The following USP34 variants were observed in gnomAD, a reference collection of about 807,000 sequenced individuals.
The protein encoded by USP34 is ubiquitin specific peptidase 34.
Under a neutral mutation model 460.3 loss-of-function variants are expected in USP34, and 70 were observed. The ratio of observed to expected loss-of-function variants is 0.15; its 90% CI spans 0.13 to 0.19. USP34 has a LOEUF of 0.19. Among genes scored for constraint, USP34 ranks in the 10% least tolerant of loss-of-function variants. The probability of loss-of-function intolerance (pLI) is 1.00; values close to 1 mark genes in which losing one functional copy is unlikely to be tolerated. For synonymous variants in USP34, 1,647 were observed against 1,405.3 expected (o/e 1.17, Z -3.85); for missense variants, 3,985 against 4,236.2 (o/e 0.94, Z 1.65).
chr2:61,222,520 C>A, intron 65 of USP34, 99 bp downstream of exon 65: 5 of 892,288 alleles, frequency 5.6e-6, no homozygotes, highest in South Asian at 1.6e-5. Context: ...ATGGGAGAAA[C>A]CCTGATAAAT....
At chr2:61,341,060 G>A (rs1484677536) in intron 16 of USP34, among the ~76,000 whole-genome samples, 2 of 152,058 alleles carry the variant, frequency 1.3e-5, no homozygotes, top group African/African-American at 4.8e-5. Flanking sequence ...ACTTTTGACT[G>A]TTCTAGAACT....
chr2:61,269,822 A>G (rs2103929304), intron 41 of USP34, among the ~76,000 whole-genome samples: 1 of 152,176 alleles, frequency 6.6e-6, no homozygotes, highest in Non-Finnish European at 1.5e-5. Context: ...AATGGAATAT[A>G]TTATATTTTG....
chr2:61,348,992 C>A, intron 13 of USP34, 106 bp from the exon 14 acceptor site: 1 of 1,278,940 alleles, frequency 7.8e-7, no homozygotes. Flanking sequence ...AAGCTTTATG[C>A]TAAGTAGCCA....
Position 61,362,867 on chromosome 2 carries a change from ATT to A in USP34, c.1251+7452_1251+7453del, listed in dbSNP as rs1452486538. Among the ~76,000 whole-genome samples, 7 of 152,322 alleles carry A rather than the reference ATT, an allele frequency of 4.6e-5. No homozygotes were observed. In the South Asian group the frequency reaches 1.2e-3, roughly 27 times the overall value. On this transcript the variant is annotated intron_variant, in intron 10 of 79. Transcript: ENST00000398571. ...TCAAGTTGTACACCTTAAATACATA[ATT>A]TTTATATTTGTATAGTATTTCTCAG...
At chr2:61,206,932 T>C (rs1195081549) in intron 70 of USP34, 46 bp from the exon 71 acceptor site, 1 of 1,592,294 alleles carries the variant, frequency 6.3e-7, no homozygotes, top group Non-Finnish European at 8.6e-7. Flanking sequence ...CATTTTTGCT[T>C]ACTGAGCCAC....
intron 21 of USP34, 114 bp downstream of exon 21, chr2:61,325,260 TA>T: frequency 3.1e-6 from 2 of 651,676 alleles, no homozygotes; most frequent in South Asian, 2.5e-5. Context: ...CCACTGACTC[TA>T]AAATTAAATT....
Position 61,190,652 on chromosome 2 carries a change from TAGC to T in USP34, c.9592_9594del (p.Ala3198del), listed in dbSNP as rs1558456990. Reference sequence around the variant, plus strand: ...AAAAGCTTGATGCAGTTTTTTGACATAGCAGACTAAAGTGGGGAGAAGATGGTT... The same window carrying T: ...AAAAGCTTGATGCAGTTTTTTGACATAGACTAAAGTGGGGAGAAGATGGTT... On this transcript the variant is annotated inframe_deletion, in exon 77 of 80. Transcript: ENST00000398571. 6.2e-7 allele frequency: 1 copy of T among 1,613,234 alleles called. No individual in the cohort carries two copies. Among genetic ancestry groups the T allele is most frequent in the Non-Finnish European group, 8.5e-7 (1 of 1,179,710 alleles).
intron 38 of USP34, 126 bp from the exon 39 acceptor site, chr2:61,280,474 T>C: frequency 4.6e-6 from 2 of 438,486 alleles, no homozygotes; most frequent in East Asian, 3.9e-5. Flanking sequence ...AAAATCTTTT[T>C]AAAAATGGAG....
intron 44 of USP34, among the ~76,000 whole-genome samples, chr2:61,258,156 C>G (rs1688771490): frequency 6.6e-6 from 1 of 151,922 alleles, no homozygotes; most frequent in South Asian, 2.1e-4. Flanking sequence ...GAGTTCAGCA[C>G]CAGCTTGGGG....
chr2:61,209,092 C>T (rs1687200459), intron 69 of USP34, 115 bp from the exon 70 acceptor site: 2 of 504,814 alleles, frequency 4.0e-6, no homozygotes, highest in African/African-American at 4.0e-5. Context: ...TTCCTACCTA[C>T]AGAAAAGAGA....
chr2:61,344,097 A>C (rs147658781), intron 15 of USP34, 68 bp from the exon 16 acceptor site: 2 of 1,453,328 alleles, frequency 1.4e-6, no homozygotes, highest in Non-Finnish European at 9.5e-7. Flanking sequence ...ACCACAAAAA[A>C]TACCTCTCTT....
intron 67 of USP34, among the ~76,000 whole-genome samples, chr2:61,216,928 A>C (rs1235236340): frequency 2.6e-5 from 4 of 152,028 alleles, no homozygotes; most frequent in Admixed American, 2.0e-4. Flanking sequence ...AAAAAGAAAA[A>C]AAAAAAAAAA....
intron 19 of USP34, 103 bp downstream of exon 19, chr2:61,333,779 T>C (rs1413287076): frequency 2.8e-6 from 2 of 716,918 alleles, no homozygotes; most frequent in Non-Finnish European, 4.1e-6. Context: ...AACTCAAATT[T>C]TCCTGGTACA....
intron 8 of USP34, among the ~76,000 whole-genome samples, chr2:61,377,234 C>T (rs1692824950): frequency 6.6e-6 from 1 of 152,036 alleles, no homozygotes; most frequent in Admixed American, 6.6e-5. Flanking sequence ...GACCTAGGTT[C>T]AACTGGGATT....
rs565823215 is a variant in USP34, at chr2:61,408,939, CG to C, written c.132-2812del. Among the ~76,000 whole-genome samples the C allele has an allele frequency of 2.0e-3, 310 of 151,992 alleles. 1 individual carries two copies. The highest frequency in any genetic ancestry group is 3.9e-3 in the Non-Finnish European group (264 of 67,944). On this transcript the variant is annotated intron_variant, in intron 2 of 79. Transcript: ENST00000398571. ...AAAGTGAGGTCATAAACTTGAGTGT[CG>C]GGGGGTGCGCTGTCTCAGCCTGTAA... is the stretch of plus-strand genomic sequence containing the variant.
chr2:61,236,112 T>C, intron 55 of USP34, 39 bp from the exon 56 acceptor site: 1 of 1,595,860 alleles, frequency 6.3e-7, no homozygotes, highest in Non-Finnish European at 8.5e-7. Flanking sequence ...TCAATCATTT[T>C]AAAGTAGTAA....
intron 53 of USP34, among the ~76,000 whole-genome samples, chr2:61,240,486 G>T (rs892369365): frequency 6.6e-6 from 1 of 152,040 alleles, no homozygotes; most frequent in Admixed American, 6.5e-5. Flanking sequence ...TACCATGTTA[G>T]GCAGGATGGT....
intron 53 of USP34, among the ~76,000 whole-genome samples, chr2:61,240,733 C>G (rs922121625): frequency 6.6e-6 from 1 of 151,786 alleles, no homozygotes. Context: ...ACCAATACAC[C>G]CAGCTAATCT....
chr2:61,324,008 C>T (rs1377086244), intron 21 of USP34, among the ~76,000 whole-genome samples: 1 of 152,176 alleles, frequency 6.6e-6, no homozygotes, highest in Non-Finnish European at 1.5e-5. Flanking sequence ...CAGTATATCT[C>T]AAGCATAGGT....
Sources: allele counts gnomAD v4.1 joint callset (sites outside exome capture counted in the v4.1 genomes callset), GRCh38; gene constraint gnomAD v4.1.1; transcripts MANE v1.5; gene names NCBI Gene and HGNC (gene_info 2026-07-23, HGNC 2026-07-21).